Variants in CD82 observed in about 807,000 individuals in gnomAD.
CD82 encodes CD82 antigen.
In CD82, 36 loss-of-function variants were observed where a neutral mutation model predicts 37.4. The observed-to-expected ratio is 0.96, with a 90% confidence interval of 0.74 to 1.27. CD82 has a LOEUF of 1.27. CD82 is among the 50% of genes most tolerant of loss of function. The probability of loss-of-function intolerance (pLI) is 0.00; values close to 1 mark genes in which losing one functional copy is unlikely to be tolerated. For missense variants in CD82, 340 were observed against 347.0 expected (o/e 0.98, Z 0.16); for synonymous variants, 158 against 137.4 (o/e 1.15, Z -1.05).
In CD82 at chr11:44,597,029, G is replaced by T. The variant is rs1378742155; in HGVS notation, c.63+2304G>T. 4 of 455,894 alleles carry T rather than the reference G, an allele frequency of 8.8e-6. No individual in the cohort carries two copies. Among genetic ancestry groups the T allele is most frequent in the African/African-American group, 8.0e-5 (4 of 50,066 alleles). 28.2% of individuals were successfully genotyped at this position (455,894 alleles called of 1,614,324 possible). A position where few individuals can be genotyped will look rare whatever the true frequency, so the allele number is the denominator to read the frequency against. ...TTTGGAGAGGGGGATCCTGGCAGCA[G>T]GGGCAGCCGGTGGAGGCAGAGTGCA... is the stretch of plus-strand genomic sequence containing the variant. On this transcript the variant is annotated intron_variant, in intron 3 of 9. Coordinates refer to ENST00000227155, the MANE Select transcript of CD82 (RefSeq NM_002231.4). This position sits in a 1 kb window ranked among gnomAD's most constrained non-coding sequence, Gnocchi z 4.1.
chr11:44,577,272 T>G (rs942456237), intron 1 of CD82, among the ~76,000 whole-genome samples: 1 of 152,210 alleles, frequency 6.6e-6, no homozygotes, highest in Non-Finnish European at 1.5e-5. Flanking sequence ...AAATGTATCA[T>G]GCAGAATTTT....
chr11:44,607,100 C>G (rs1026391282), intron 6 of CD82, among the ~76,000 whole-genome samples: 3 of 152,258 alleles, frequency 2.0e-5, no homozygotes, highest in Non-Finnish European at 2.9e-5. Flanking sequence ...GAGCCGGCAG[C>G]CAGATAGGCT....
chr11:44,618,983 G>A (rs1853613515), intron 9 of CD82, 66 bp from the exon 10 acceptor site: 2 of 1,348,612 alleles, frequency 1.5e-6, no homozygotes, highest in Admixed American at 1.7e-5. Flanking sequence ...AAACCTGGAT[G>A]GTGAGGCTGG....
intron 1 of CD82, among the ~76,000 whole-genome samples, chr11:44,582,872 A>T (rs1254333321): frequency 1.3e-5 from 2 of 152,232 alleles, no homozygotes; most frequent in African/African-American, 4.8e-5. Flanking sequence ...CTATCTGTCC[A>T]TCCCAGTGTG....
chr11:44,605,255 T>C, intron 5 of CD82, 73 bp downstream of exon 5: 1 of 1,607,794 alleles, frequency 6.2e-7, no homozygotes, highest in Non-Finnish European at 8.5e-7. Flanking sequence ...ACCGCGGCGC[T>C]GGCCGTAACA....
rs1853619978 is a variant in CD82 at position 44,619,199 on chromosome 11, T to C, written c.*73T>C. ...CCCAGGGGTCTCCCTGGCTCCCTCC[T>C]CCAGGCCTGCCTCCCACTTCACTGC... is the stretch of plus-strand genomic sequence containing the variant. On this transcript the variant is annotated 3_prime_UTR_variant, in exon 10 of 10. Coordinates refer to ENST00000227155, the MANE Select transcript of CD82 (RefSeq NM_002231.4). The C allele has an allele frequency of 8.3e-7, 1 of 1,207,612 alleles. No individual in the cohort carries two copies. The highest frequency in any genetic ancestry group is 1.2e-5 in the South Asian group (1 of 83,148). 74.8% of individuals were successfully genotyped at this position (1,207,612 alleles called of 1,614,324 possible). A position where few individuals can be genotyped will look rare whatever the true frequency, so the allele number is the denominator to read the frequency against.
At chr11:44,602,596 A>G (rs891196553) in intron 4 of CD82, among the ~76,000 whole-genome samples, 6 of 152,136 alleles carry the variant, frequency 3.9e-5, no homozygotes, top group East Asian at 1.9e-4. Flanking sequence ...ATTAGAATCT[A>G]CTTTTCTTAT....
chr11:44,566,071 G>C (rs1852730734), intron 1 of CD82: 2 of 152,268 alleles, frequency 1.3e-5, no homozygotes, highest in African/African-American at 4.8e-5. Flanking sequence ...GGTGAGAGCA[G>C]GCTGCAGGTC....
chr11:44,569,992 A>G (rs1012681944), intron 1 of CD82, among the ~76,000 whole-genome samples: 2 of 152,226 alleles, frequency 1.3e-5, no homozygotes, highest in African/African-American at 4.8e-5. Context: ...AAGGAGAGCC[A>G]TTGTTGTTTG....
intron 5 of CD82, 51 bp downstream of exon 5, chr11:44,605,233 G>C (rs376879805): frequency 6.2e-7 from 1 of 1,607,474 alleles, no homozygotes; most frequent in Admixed American, 1.7e-5. Context: ...TCATCCAGCC[G>C]AGTGCAGCCT....
At chr11:44,604,237 A>C (rs986931370) in intron 4 of CD82, among the ~76,000 whole-genome samples, 2 of 152,234 alleles carry the variant, frequency 1.3e-5, no homozygotes, top group African/African-American at 4.8e-5. Context: ...AGCAACTGGC[A>C]CAGTGCCTGG....
Position 44,605,200 on chromosome 11 carries a change from C to A in CD82, c.261+18C>A. Reference sequence around the variant, plus strand: ...TGGGGCTGGTGAGTACGGATCCCTCCGCAGCTGCCTGCCCATTTCCTCTCA... The same window carrying A: ...TGGGGCTGGTGAGTACGGATCCCTCAGCAGCTGCCTGCCCATTTCCTCTCA... On this transcript the variant is annotated intron_variant, in intron 5 of 9. Transcript: ENST00000227155. 1 of 1,610,926 alleles carries A rather than the reference C, an allele frequency of 6.2e-7. No individual in the cohort carries two copies. The highest frequency in any genetic ancestry group is 8.5e-7 in the Non-Finnish European group (1 of 1,178,024).
chr11:44,596,979 G>A, intron 3 of CD82: 1 of 456,214 alleles, frequency 2.2e-6, no homozygotes, highest in Non-Finnish European at 4.4e-6. Context: ...GGTCAGCAAA[G>A]GCTTCCTGGG....
intron 6 of CD82, among the ~76,000 whole-genome samples, chr11:44,614,671 A>G (rs551117091): frequency 1.6e-4 from 23 of 147,050 alleles, no homozygotes; most frequent in African/African-American, 5.5e-4. Context: ...GGGGTGGTTG[A>G]TTGGTTGGGG....
chr11:44,619,122 A>G lies in CD82; in HGVS notation c.800A>G (p.Tyr267Cys), dbSNP rs773237459. The stretch of plus-strand genomic sequence containing the variant: ...GAAGACTACAGCAAGGTCCCCAAGT[A>G]CTGAGGCAGCTGCTATCCCCATCTC... ...HSEDYSKVPK[Y>C] The change falls in exon 10 of 10, where the codon TAC (tyrosine) becomes TGC (cysteine). Residue 267 changes from tyrosine (Y) to cysteine (C), a missense_variant. Physicochemically the swap from Tyr to Cys is radical, Grantham distance 194 (BLOSUM62 -2). Coordinates refer to ENST00000227155, the MANE Select transcript of CD82 (RefSeq NM_002231.4). 5.6e-5 allele frequency: 91 copies of G among 1,612,972 alleles called. No individual in the cohort carries two copies. The highest frequency in any genetic ancestry group is 7.2e-5 in the Non-Finnish European group (85 of 1,179,330).
chr11:44,588,730 T>C (rs1853097435), intron 2 of CD82, among the ~76,000 whole-genome samples: 1 of 152,000 alleles, frequency 6.6e-6, no homozygotes, highest in Non-Finnish European at 1.5e-5. Flanking sequence ...AACCAACATG[T>C]GTCTTGGGGG....
At chr11:44,590,250 A>T (rs1404786611) in intron 2 of CD82, among the ~76,000 whole-genome samples, 1 of 152,160 alleles carries the variant, frequency 6.6e-6, no homozygotes, top group Admixed American at 6.5e-5. Flanking sequence ...GTGTGCAGAA[A>T]TTTAGATTCC....
At chr11:44,583,273 A>T (rs1333428112) in intron 1 of CD82, among the ~76,000 whole-genome samples, 1 of 152,268 alleles carries the variant, frequency 6.6e-6, no homozygotes, top group Non-Finnish European at 1.5e-5. Context: ...CATGGGGTCC[A>T]GGCAGGAATG....
intron 1 of CD82, among the ~76,000 whole-genome samples, chr11:44,575,567 C>T (rs532801508): frequency 4.4e-4 from 67 of 152,324 alleles, no homozygotes; most frequent in Non-Finnish European, 8.1e-4. Flanking sequence ...GCATTGCTAA[C>T]ACGTTCCCAG....
Sources: allele counts gnomAD v4.1 joint callset (sites outside exome capture counted in the v4.1 genomes callset), GRCh38; gene constraint gnomAD v4.1.1; non-coding constraint Gnocchi (gnomAD v3.1); transcripts MANE v1.5; gene names NCBI Gene and HGNC (gene_info 2026-07-23, HGNC 2026-07-21).